Variants in ADK observed in about 807,000 individuals in gnomAD.
ADK encodes N6,N6-dimethyladenosine kinase.
In ADK, 24 loss-of-function variants were observed where a neutral mutation model predicts 44.7. The observed-to-expected ratio is 0.54, with a 90% CI of 0.39 to 0.76. The LOEUF (loss-of-function observed/expected upper bound fraction) is 0.76, where lower values mean the gene tolerates loss of function less well. ADK is among the 30% of genes least tolerant of loss of function. The probability of loss-of-function intolerance (pLI) is 0.00; values close to 1 mark genes in which losing one functional copy is unlikely to be tolerated. For synonymous variants in ADK, 128 were observed against 142.6 expected (o/e 0.90, Z 0.73); for missense variants, 321 against 425.1 (o/e 0.76, Z 2.15).
At chr10:74,180,281 A>G (rs1286476752) in intron 1 of ADK, among the ~76,000 whole-genome samples, 1 of 150,220 alleles carries the variant, frequency 6.7e-6, no homozygotes, top group Non-Finnish European at 1.5e-5. Context: ...TCTGTCGCCC[A>G]GGCTGGAGTG....
At chr10:74,293,934 C>T (rs1165425931) in intron 3 of ADK, among the ~76,000 whole-genome samples, 2 of 152,182 alleles carry the variant, frequency 1.3e-5, no homozygotes, top group Non-Finnish European at 2.9e-5. Flanking sequence ...GCACCCCTCA[C>T]CCCCACCTTC....
At chr10:74,371,731 T>C in intron 4 of ADK, 6 of 1,373,700 alleles carry the variant, frequency 4.4e-6, no homozygotes, top group Non-Finnish European at 6.2e-6. Flanking sequence ...TGTGCCATTG[T>C]TGCCATTGAA....
chr10:74,172,682 T>C (rs1591804963), intron 1 of ADK, among the ~76,000 whole-genome samples: 22 of 77,668 alleles, frequency 2.8e-4, no homozygotes, highest in East Asian at 3.6e-4. Flanking sequence ...AGAGTGAAAC[T>C]CCATCTCAAA....
chr10:74,474,775 C>T (rs1007892170), intron 6 of ADK, among the ~76,000 whole-genome samples: 1 of 152,138 alleles, frequency 6.6e-6, no homozygotes, highest in Admixed American at 6.5e-5. Flanking sequence ...CCTCACAACT[C>T]GCCCTTCCAA....
At chr10:74,589,168 G>A in intron 7 of ADK, 114 bp from the exon 8 acceptor site, 1 of 854,418 alleles carries the variant, frequency 1.2e-6, no homozygotes, top group Non-Finnish European at 1.9e-6. Context: ...TGAACTATGT[G>A]GGTATATTGA....
intron 3 of ADK, among the ~76,000 whole-genome samples, chr10:74,290,078 G>GCGCGCACACACACA (rs113592873): frequency 2.7e-5 from 4 of 149,014 alleles, no homozygotes; most frequent in African/African-American, 9.9e-5. Context: ...CTACTCACGC[G>GCGCGCACACACACA]CACACACACA....
At chr10:74,424,761 G>C (rs565539016) in intron 6 of ADK, among the ~76,000 whole-genome samples, 1 of 151,790 alleles carries the variant, frequency 6.6e-6, no homozygotes, top group African/African-American at 2.4e-5. Flanking sequence ...TCTATCTTCC[G>C]ATATTGGTAA....
At chr10:74,317,797 T>G (rs1840675744) in intron 4 of ADK, among the ~76,000 whole-genome samples, 2 of 152,178 alleles carry the variant, frequency 1.3e-5, no homozygotes, top group South Asian at 4.1e-4. Context: ...TGTTTGTTTG[T>G]TTCAAGACGG....
intron 9 of ADK, among the ~76,000 whole-genome samples, chr10:74,637,829 C>T (rs1290369633): frequency 6.6e-6 from 1 of 152,116 alleles, no homozygotes; most frequent in African/African-American, 2.4e-5. Flanking sequence ...AGGGGTGGGA[C>T]CTTACAAAGA....
At chr10:74,475,008 C>G (rs1031270148) in intron 6 of ADK, among the ~76,000 whole-genome samples, 7 of 152,052 alleles carry the variant, frequency 4.6e-5, no homozygotes, top group Admixed American at 2.0e-4. Flanking sequence ...ACCTGTAATC[C>G]CAGCTACTTG....
chr10:74,687,700 C>T (rs899127940), intron 10 of ADK, among the ~76,000 whole-genome samples: 1 of 152,168 alleles, frequency 6.6e-6, no homozygotes, highest in Non-Finnish European at 1.5e-5. Flanking sequence ...AAGCTAGAAA[C>T]CTAGACGCCC....
intron 6 of ADK, among the ~76,000 whole-genome samples, chr10:74,426,781 CA>C (rs913543018): frequency 4.0e-5 from 6 of 151,402 alleles, no homozygotes; most frequent in African/African-American, 1.5e-4. Context: ...GAACTTAATT[CA>C]TTTTTTTTTC....
intron 3 of ADK, among the ~76,000 whole-genome samples, chr10:74,260,848 A>C (rs1846013527): frequency 6.6e-6 from 1 of 152,204 alleles, no homozygotes; most frequent in Non-Finnish European, 1.5e-5. Context: ...ATTAGTGCCA[A>C]AAGTTTACAA....
At chr10:74,592,744 T>C (rs1851766054) in intron 8 of ADK, among the ~76,000 whole-genome samples, 2 of 152,162 alleles carry the variant, frequency 1.3e-5, no homozygotes, top group African/African-American at 4.8e-5. Context: ...CTTACACCAC[T>C]GAAAGAGAAA....
At chr10:74,645,931 G>C (rs565950108) in intron 9 of ADK, among the ~76,000 whole-genome samples, 2 of 152,242 alleles carry the variant, frequency 1.3e-5, no homozygotes, top group East Asian at 3.9e-4. Flanking sequence ...GAACCACCTA[G>C]AGCATCATGC....
intron 7 of ADK, among the ~76,000 whole-genome samples, chr10:74,564,274 T>C (rs978342570): frequency 5.3e-5 from 8 of 152,152 alleles, no homozygotes; most frequent in Non-Finnish European, 1.2e-4. Flanking sequence ...AATGCACCCA[T>C]CAAGCTTTGA....
chr10:74,673,466 C>G lies in ADK; in HGVS notation c.964+3197C>G, dbSNP rs150117324. 2.5e-3 allele frequency among the ~76,000 whole-genome samples: 387 copies of G among 152,312 alleles called. 1 individual carries two copies. Among genetic ancestry groups the G allele is most frequent in the African/African-American group, 8.9e-3 (370 of 41,576 alleles). ...CACTCACTCGCTTCTCCACTGCTCA[C>G]AGGAGGGTGAGCACACGTGAGCAGG... On this transcript the variant is annotated intron_variant, in intron 10 of 10. Transcript: ENST00000539909.
chr10:74,449,958 T>C (rs1269321825), intron 6 of ADK, among the ~76,000 whole-genome samples: 1 of 152,198 alleles, frequency 6.6e-6, no homozygotes, highest in Non-Finnish European at 1.5e-5. Flanking sequence ...TGATCTGTTA[T>C]ATGTATTCAG....
chr10:74,346,827 C>A (rs531348450), intron 4 of ADK, among the ~76,000 whole-genome samples: 7 of 152,012 alleles, frequency 4.6e-5, no homozygotes, highest in African/African-American at 1.7e-4. Flanking sequence ...CATTTATTTT[C>A]GATACTTAAG....
Sources: gnomAD v4.1 joint callset for allele counts (sites outside exome capture counted in the v4.1 genomes callset) on GRCh38, gnomAD v4.1.1 for gene constraint, MANE v1.5 for transcripts, NCBI Gene and HGNC (gene_info 2026-07-23, HGNC 2026-07-21) for gene names.